Variants in TULP4 observed in about 807,000 individuals in gnomAD.
The protein encoded by TULP4 is TUB like protein 4, also known as tubby-related protein 4.
In TULP4, 16 loss-of-function variants were observed where a neutral mutation model predicts 129.0. The observed-to-expected ratio is 0.12, with a 90% CI of 0.08 to 0.19. The LOEUF (loss-of-function observed/expected upper bound fraction) is 0.19. Ranked by LOEUF, TULP4 falls within the 10% of genes least tolerant of loss-of-function variation. TULP4 has a pLI of 1.00. For missense variants in TULP4, 1,842 were observed against 2,059.1 expected, an observed-to-expected ratio of 0.89 and a Z score of 2.04; for synonymous variants, 998 against 854.0, an observed-to-expected ratio of 1.17 and a Z score of -2.94.
chr6:158,502,406 A>G lies in TULP4; in HGVS notation c.2743A>G (p.Thr915Ala), dbSNP rs1303434300. 7.4e-6 allele frequency: 12 copies of G among 1,612,872 alleles called. No individual in the cohort carries two copies. The highest frequency in any genetic ancestry group is 1.0e-5 in the Non-Finnish European group (12 of 1,179,762). Reference protein sequence around the residue: ...TRMLCSQNTYTLPGPGSSATL... With the variant: ...TRMLCSQNTYALPGPGSSATL... Reference sequence around the variant, plus strand: ...GATGCTGTGCTCCCAGAACACGTACACCCTCCCCGGCCCGGGTAGCTCTGC... The same window carrying G: ...GATGCTGTGCTCCCAGAACACGTACGCCCTCCCCGGCCCGGGTAGCTCTGC... The change falls in exon 13 of 14, where the codon ACC becomes GCC. Residue 915 changes from threonine to alanine, a missense_variant. Around this residue, in one of 5 missense-constraint regions of TULP4, gnomAD observed 1,089 missense variants for 987.1 expected, o/e 1.10. Coordinates refer to ENST00000367097, the MANE Select transcript of TULP4 (RefSeq NM_020245.5).
At chr6:158,482,210 C>T (rs1442299627) in intron 8 of TULP4, among the ~76,000 whole-genome samples, 1 of 152,164 alleles carries the variant, frequency 6.6e-6, no homozygotes, top group Admixed American at 6.5e-5. Context: ...CTGGTCCCTG[C>T]CTCTCATTAC....
chr6:158,382,817 A>G (rs1777359156), intron 1 of TULP4, among the ~76,000 whole-genome samples: 3 of 152,214 alleles, frequency 2.0e-5, no homozygotes. Flanking sequence ...ACTTGTAGAT[A>G]GTTAACTCTG....
At position 158,503,111 on chromosome 6, in the gene TULP4, C is replaced by T; in HGVS notation, c.3448C>T (p.Leu1150=). The change falls in exon 13 of 14, where the codon CTG becomes TTG. Residue 1150 remains leucine (L), a synonymous_variant. Coordinates refer to ENST00000367097, the MANE Select transcript of TULP4 (RefSeq NM_020245.5). The surrounding 1 kb of genome is among the most constrained non-coding windows in gnomAD (Gnocchi z 4.3). ...AQTSGPNPLK[L]SSLMLSQGQH... is the part of the protein sequence containing the mutation. ...GACTTCAGGGCCCAACCCCTTAAAA[C>T]TGTCCTCTCTGATGCTGAGTCAGGG... The T allele has an allele frequency of 6.2e-7, 1 of 1,614,110 alleles. No individual in the cohort carries two copies. Among genetic ancestry groups the T allele is most frequent in the Non-Finnish European group, 8.5e-7 (1 of 1,179,974 alleles).
At chr6:158,257,561 T>G (rs1299139965) in intron 1 of TULP4, among the ~76,000 whole-genome samples, 1 of 152,366 alleles carries the variant, frequency 6.6e-6, no homozygotes, top group African/African-American at 2.4e-5. Context: ...AACGGTTGCT[T>G]CTTCTGTATG....
In TULP4 at chr6:158,493,560, CT is replaced by C; in HGVS notation, c.1632-11del. 1.3e-6 allele frequency: 2 copies of C among 1,486,530 alleles called. No homozygotes were observed. Among genetic ancestry groups the C allele is most frequent in the Non-Finnish European group, 9.0e-7 (1 of 1,117,296 alleles). 92.1% of individuals were successfully genotyped at this position (1,486,530 alleles called of 1,614,324 possible). On this transcript the variant is annotated splice_polypyrimidine_tract_variant and intron_variant, in intron 9 of 13. Coordinates refer to ENST00000367097, the MANE Select transcript of TULP4 (RefSeq NM_020245.5). The surrounding 1 kb of genome is among the most constrained non-coding windows in gnomAD (Gnocchi z 4.4). Reference sequence around the variant, plus strand: ...CCACGGATGCCTGACCCCTCCTGGCCTTGCCTCCCCAGGATCAGCATTGAGG... The same window carrying C: ...CCACGGATGCCTGACCCCTCCTGGCCTGCCTCCCCAGGATCAGCATTGAGG...
intron 4 of TULP4, among the ~76,000 whole-genome samples, chr6:158,450,021 C>T (rs1004287750): frequency 2.0e-5 from 3 of 152,096 alleles, no homozygotes; most frequent in African/African-American, 4.8e-5. Context: ...GTGTTGGGAA[C>T]GTTCAATATC....
intron 1 of TULP4, among the ~76,000 whole-genome samples, chr6:158,274,616 A>C (rs1778609704): frequency 6.6e-6 from 1 of 152,026 alleles, no homozygotes; most frequent in African/African-American, 2.4e-5. Flanking sequence ...CTCTACTAAA[A>C]ATACAAAAAA....
At chr6:158,349,833 G>A (rs1415786401) in intron 1 of TULP4, among the ~76,000 whole-genome samples, 5 of 143,090 alleles carry the variant, frequency 3.5e-5, no homozygotes, top group African/African-American at 5.3e-5. Context: ...AGATGGGGCG[G>A]CCGGGCAGAG....
intron 1 of TULP4, among the ~76,000 whole-genome samples, chr6:158,322,781 TATACCTC>T (rs1372215800): frequency 1.3e-5 from 2 of 152,166 alleles, no homozygotes; most frequent in Non-Finnish European, 2.9e-5. Flanking sequence ...AGTCCCAGCT[TATACCTC>T]ATGGAATCTA....
chr6:158,443,309 G>T (rs1778943018), intron 3 of TULP4, among the ~76,000 whole-genome samples: 1 of 151,948 alleles, frequency 6.6e-6, no homozygotes, highest in Admixed American at 6.6e-5. Context: ...TAGAGATGGG[G>T]TTTCACCATG....
intron 1 of TULP4, among the ~76,000 whole-genome samples, chr6:158,262,058 G>A (rs924611451): frequency 6.6e-5 from 10 of 152,128 alleles, no homozygotes; most frequent in Non-Finnish European, 1.2e-4. Context: ...AAATAAAACC[G>A]GGATTCTGTT....
At chr6:158,239,487 G>A (rs1394429087) in intron 1 of TULP4, among the ~76,000 whole-genome samples, 3 of 60,212 alleles carry the variant, frequency 5.0e-5, no homozygotes, top group African/African-American at 1.1e-4. Flanking sequence ...CCTCCCGGAC[G>A]GGGAGGCTGG....
intron 2 of TULP4, among the ~76,000 whole-genome samples, chr6:158,426,068 A>G (rs779127552): frequency 2.0e-5 from 3 of 152,226 alleles, no homozygotes; most frequent in Non-Finnish European, 2.9e-5. Flanking sequence ...CCACTTTTTA[A>G]TGGGGTTGTT....
At position 158,331,742 on chromosome 6, in the gene TULP4, TACGTGTATATAC is replaced by T. The variant is rs1356950822; in HGVS notation, c.252+17486_252+17497del. On this transcript the variant is annotated intron_variant, in intron 1 of 13. Transcript: ENST00000367097. ...ACACACACACACATACGTATATATA[TACGTGTATATAC>T]ACGTGTATATATACACGTATATATA... Among the ~76,000 whole-genome samples, 6 of 11,356 alleles carry T rather than the reference TACGTGTATATAC, an allele frequency of 5.3e-4. 2 individuals carry two copies. The highest frequency in any genetic ancestry group is 9.4e-4 in the African/African-American group (4 of 4,242). The allele number at this position is 11,356 out of a possible 152,430, so 7.4% of individuals were successfully genotyped here. A position where few individuals can be genotyped will look rare whatever the true frequency, so the allele number is the denominator to read the frequency against.
At chr6:158,506,222 CTTTTTTTTTTTTTTT>C (rs61292138) in intron 13 of TULP4, among the ~76,000 whole-genome samples, 1,007 of 55,520 alleles carry the variant, frequency 0.018, 38 homozygotes, top group African/African-American at 0.067. Flanking sequence ...TCGCCTTGTT[CTTTTTTTTTTTTTTT>C]TTTTTTTTTT....
At chr6:158,359,415 G>A (rs1780716353) in intron 1 of TULP4, among the ~76,000 whole-genome samples, 1 of 152,164 alleles carries the variant, frequency 6.6e-6, no homozygotes, top group African/African-American at 2.4e-5. Context: ...CGATCACAAG[G>A]TGGGGTCTCA....
intron 2 of TULP4, among the ~76,000 whole-genome samples, chr6:158,417,213 G>C (rs188272776): frequency 1.3e-5 from 2 of 152,210 alleles, no homozygotes; most frequent in Admixed American, 6.5e-5. Flanking sequence ...GCCTCTGTGA[G>C]CAGGGGCCCT....
At chr6:158,242,672 T>C (rs889646525) in intron 1 of TULP4, 4 of 643,710 alleles carry the variant, frequency 6.2e-6, no homozygotes, top group Non-Finnish European at 8.8e-6. Flanking sequence ...GGCATATCAC[T>C]TTACAATGCA....
intron 2 of TULP4, among the ~76,000 whole-genome samples, chr6:158,415,347 T>C (rs1778182901): frequency 6.9e-6 from 1 of 144,332 alleles, no homozygotes; most frequent in Non-Finnish European, 1.6e-5. Context: ...TAGAGTGTGC[T>C]TCTTTTTTTT....
Sources: gnomAD v4.1 joint callset for allele counts (sites outside exome capture counted in the v4.1 genomes callset) on GRCh38, gnomAD v4.1.1 for gene constraint, gnomAD v4.1.1 regional missense constraint, Gnocchi (gnomAD v3.1) non-coding constraint, MANE v1.5 for transcripts, NCBI Gene and HGNC (gene_info 2026-07-23, HGNC 2026-07-21) for gene names.